Variants in TASP1 observed in about 807,000 individuals in gnomAD.
TASP1 encodes threonine aspartase 1.
Under a neutral mutation model 56.6 loss-of-function variants are expected in TASP1, and 16 were observed. The ratio of observed to expected loss-of-function variants is 0.28; its 90% CI spans 0.19 to 0.43. The LOEUF (loss-of-function observed/expected upper bound fraction) is 0.43, where lower values mean the gene tolerates loss of function less well. Ranked by LOEUF, TASP1 falls within the 20% of genes least tolerant of loss-of-function variation. The pLI, the probability that TASP1 is intolerant of heterozygous loss-of-function variation, is 1.00. For missense variants in TASP1, 393 were observed against 511.6 expected (o/e 0.77, Z 2.24); for synonymous variants, 179 against 184.2 (o/e 0.97, Z 0.23).
intron 4 of TASP1, among the ~76,000 whole-genome samples, chr20:13,610,688 C>G (rs1473759105): frequency 2.0e-5 from 3 of 152,030 alleles, no homozygotes; most frequent in Non-Finnish European, 4.4e-5. Context: ...AATTAACTTA[C>G]AAAGTTTTTT....
the TASP1 span, among the ~76,000 whole-genome samples, chr20:13,326,468 T>C: frequency 2.0e-5 from 3 of 152,182 alleles, no homozygotes; most frequent in African/African-American, 7.2e-5. Flanking sequence ...CCAGCATCAA[T>C]ATGTGAGTGT....
chr20:13,274,673 C>G, the TASP1 span, among the ~76,000 whole-genome samples: 1 of 151,420 alleles, frequency 6.6e-6, no homozygotes, highest in Non-Finnish European at 1.5e-5. Context: ...ACTCCCCGCC[C>G]CCCCCGCGCC....
chr20:13,630,075 T>G lies in TASP1; in HGVS notation c.4A>C (p.Thr2Pro), dbSNP rs2049030452. 1.2e-6 allele frequency: 2 copies of G among 1,612,116 alleles called. No individual in the cohort carries two copies. The highest frequency in any genetic ancestry group is 1.7e-6 in the Non-Finnish European group (2 of 1,179,450). The change falls in exon 2 of 14, where the codon ACC (threonine) becomes CCC (proline). Residue 2 changes from threonine (T) to proline (P), a missense_variant. This residue lies in a region of TASP1 where 52 missense variants were observed against 51.1 expected (regional missense o/e 1.02). Transcript: ENST00000337743. M[T>P]MEKGMSSGEG... is the part of the protein sequence containing the mutation. Reference sequence around the variant, plus strand: ...CCAGAACTCATCCCCTTCTCCATGGTCATTCTCCAAGATTACCATCTTCTA... The same window carrying G: ...CCAGAACTCATCCCCTTCTCCATGGGCATTCTCCAAGATTACCATCTTCTA...
chr20:13,583,164 C>T (rs148486873), intron 5 of TASP1, among the ~76,000 whole-genome samples: 23 of 152,316 alleles, frequency 1.5e-4, no homozygotes, highest in African/African-American at 4.3e-4. Flanking sequence ...AAGTGTTCCA[C>T]GGGGTGCCTG....
At chr20:13,596,748 G>A (rs1283192750) in intron 4 of TASP1, among the ~76,000 whole-genome samples, 1 of 152,110 alleles carries the variant, frequency 6.6e-6, no homozygotes, top group Non-Finnish European at 1.5e-5. Context: ...CCAGGAGCTG[G>A]TTTTTTGAAA....
chr20:13,258,524 C>T, the TASP1 span, among the ~76,000 whole-genome samples: 278 of 152,304 alleles, frequency 1.8e-3, 2 homozygotes, highest in Admixed American at 3.7e-3. Flanking sequence ...CAAACTGATA[C>T]ATCCTAATAT....
At chr20:13,491,561 A>C (rs2043526806) in intron 10 of TASP1, among the ~76,000 whole-genome samples, 1 of 152,286 alleles carries the variant, frequency 6.6e-6, no homozygotes, top group East Asian at 1.9e-4. Context: ...TTTTAACTTC[A>C]GCTCCAGTGA....
chr20:13,595,216 C>G (rs1008180754), intron 4 of TASP1, among the ~76,000 whole-genome samples: 1 of 152,114 alleles, frequency 6.6e-6, no homozygotes, highest in African/African-American at 2.4e-5. Flanking sequence ...TACAAGAACT[C>G]CTGAAGGAAG....
At chr20:13,211,646 T>C in the TASP1 span, among the ~76,000 whole-genome samples, 2 of 152,138 alleles carry the variant, frequency 1.3e-5, no homozygotes, top group Non-Finnish European at 2.9e-5. Flanking sequence ...TATTGTACAA[T>C]TAGATAATAA....
intron 13 of TASP1, among the ~76,000 whole-genome samples, chr20:13,413,340 C>G (rs760731905): frequency 6.6e-5 from 10 of 151,896 alleles, no homozygotes; most frequent in Non-Finnish European, 1.5e-4. Flanking sequence ...TCACACAAGG[C>G]AGAGAAACAT....
rs977308005 is a variant in TASP1 at position 13,587,304 on chromosome 20, C to T, written c.349G>A (p.Ala117Thr). The change falls in exon 5 of 14, where the codon GCC (alanine) becomes ACC (threonine). Residue 117 changes from alanine to threonine, a missense_variant. Coordinates refer to ENST00000337743, the MANE Select transcript of TASP1 (RefSeq NM_017714.3). The part of the protein sequence containing the change: ...LNLLGEIECD[A>T]SIMDGKSLNF... ...AAGGATTTTCCATCCATTATGCTGG[C>T]ATCACACTCAATTTCACCTAACAGA... is the stretch of plus-strand genomic sequence containing the variant. The T allele has an allele frequency of 6.2e-7, 1 of 1,613,012 alleles. No individual in the cohort carries two copies. The highest frequency in any genetic ancestry group is 8.5e-7 in the Non-Finnish European group (1 of 1,179,532).
the TASP1 span, among the ~76,000 whole-genome samples, chr20:13,158,548 C>T: frequency 6.6e-6 from 1 of 152,192 alleles, no homozygotes; most frequent in Non-Finnish European, 1.5e-5. Flanking sequence ...AAGCACTTGA[C>T]TTGTTTCTCA....
At chr20:13,411,564 T>C (rs2042094947) in intron 13 of TASP1, among the ~76,000 whole-genome samples, 1 of 152,174 alleles carries the variant, frequency 6.6e-6, no homozygotes, top group South Asian at 2.1e-4. Flanking sequence ...GCCTTCTTGA[T>C]TTCTTTCTCC....
intron 12 of TASP1, among the ~76,000 whole-genome samples, chr20:13,431,434 C>T (rs142228969): frequency 1.3e-4 from 20 of 152,276 alleles, no homozygotes; most frequent in African/African-American, 4.8e-4. Flanking sequence ...TCTTCTGCTT[C>T]TAGGGTATGC....
intron 6 of TASP1, among the ~76,000 whole-genome samples, chr20:13,577,726 G>A (rs541509798): frequency 9.9e-5 from 15 of 152,238 alleles, no homozygotes; most frequent in Non-Finnish European, 1.8e-4. Flanking sequence ...ATCTTGGACC[G>A]CTTAACTTCC....
At chr20:13,309,173 T>C in the TASP1 span, among the ~76,000 whole-genome samples, 1 of 151,998 alleles carries the variant, frequency 6.6e-6, no homozygotes, top group African/African-American at 2.4e-5. Flanking sequence ...ATAAAAATAC[T>C]AAACTATGCA....
At chr20:13,575,945 C>T (rs1218264548) in intron 6 of TASP1, among the ~76,000 whole-genome samples, 2 of 152,024 alleles carry the variant, frequency 1.3e-5, no homozygotes, top group Admixed American at 6.6e-5. Flanking sequence ...GGCACGGTGG[C>T]TCACATCTGT....
At chr20:13,279,833 C>A in the TASP1 span, 1 of 1,613,884 alleles carries the variant, frequency 6.2e-7, no homozygotes, top group Non-Finnish European at 8.5e-7. Context: ...CTCAACCCCC[C>A]CAGGGGGTGG....
the TASP1 span, among the ~76,000 whole-genome samples, chr20:13,107,428 A>G: frequency 6.6e-6 from 1 of 152,238 alleles, no homozygotes; most frequent in East Asian, 1.9e-4. Flanking sequence ...TGGCAGAGGG[A>G]AGAAGCTTAA....
Sources: gnomAD v4.1 joint callset for allele counts (sites outside exome capture counted in the v4.1 genomes callset) on GRCh38, gnomAD v4.1.1 for gene constraint, gnomAD v4.1.1 regional missense constraint, MANE v1.5 for transcripts, NCBI Gene and HGNC (gene_info 2026-07-23, HGNC 2026-07-21) for gene names.